The following PTPRD variants were observed in gnomAD, a reference collection of about 807,000 sequenced individuals.
PTPRD encodes protein tyrosine phosphatase receptor type D.
In PTPRD, 34 loss-of-function variants were observed where a neutral mutation model predicts 214.5. The observed-to-expected ratio is 0.16, with a 90% CI of 0.12 to 0.21. PTPRD has a LOEUF of 0.21. Ranked by LOEUF, PTPRD falls within the 10% of genes least tolerant of loss-of-function variation. PTPRD has a pLI of 1.00. For synonymous variants in PTPRD, 1,128 were observed against 845.7 expected (o/e 1.33, Z -5.79); for missense variants, 2,545 against 2,398.7 (o/e 1.06, Z -1.27).
intron 14 of PTPRD, among the ~76,000 whole-genome samples, chr9:8,585,644 T>A (rs1004608082): frequency 1.3e-5 from 2 of 152,238 alleles, no homozygotes; most frequent in Non-Finnish European, 2.9e-5. Flanking sequence ...TTTCTTAGTA[T>A]CCTTTACTTG....
intron 4 of PTPRD, among the ~76,000 whole-genome samples, chr9:9,976,749 A>G (rs1363405580): frequency 6.8e-6 from 1 of 146,970 alleles, no homozygotes; most frequent in Non-Finnish European, 1.5e-5. Context: ...AGTCACCACT[A>G]GCTGACTATT....
Position 10,509,557 on chromosome 9 carries a change from T to TTATATATATATA in PTPRD, c.-600+102829_-600+102840dup, listed in dbSNP as rs3076461. On this transcript the variant is annotated intron_variant, in intron 2 of 45. Coordinates refer to ENST00000381196, the MANE Select transcript of PTPRD (RefSeq NM_002839.4). ...TAAATATATTTACATTTAATAAATA[T>TTATATATATATA]TATATATATATATATATATATATTT... Among the ~76,000 whole-genome samples, 638 of 106,610 alleles carry TTATATATATATA rather than the reference T, an allele frequency of 6.0e-3. 14 individuals carry two copies. The highest frequency in any genetic ancestry group is 0.018 in the South Asian group (55 of 3,068). The allele number at this position is 106,610 out of a possible 152,430, so 69.9% of individuals were successfully genotyped here.
chr9:9,366,648 A>G (rs945759016), intron 9 of PTPRD, among the ~76,000 whole-genome samples: 2 of 151,500 alleles, frequency 1.3e-5, no homozygotes, highest in African/African-American at 2.4e-5. Flanking sequence ...CATATCATCC[A>G]TCATCATACC....
chr9:8,617,307 C>G (rs147349259), intron 14 of PTPRD, among the ~76,000 whole-genome samples: 3 of 151,976 alleles, frequency 2.0e-5, no homozygotes, highest in African/African-American at 7.3e-5. Flanking sequence ...GAGGGTTGGT[C>G]GATGAAGCAC....
intron 12 of PTPRD, among the ~76,000 whole-genome samples, chr9:8,686,617 A>G (rs2097686623): frequency 2.0e-5 from 3 of 152,226 alleles, no homozygotes; most frequent in African/African-American, 4.8e-5. Context: ...CCATGTTCAC[A>G]TAGTTGCAAC....
intron 9 of PTPRD, among the ~76,000 whole-genome samples, chr9:9,290,987 A>G (rs971030542): frequency 1.3e-5 from 2 of 151,578 alleles, no homozygotes; most frequent in Admixed American, 6.6e-5. Flanking sequence ...ACCTAAGACC[A>G]CACTAATAAT....
intron 7 of PTPRD, among the ~76,000 whole-genome samples, chr9:9,611,372 A>T (rs1026444553): frequency 1.3e-5 from 2 of 151,940 alleles, no homozygotes; most frequent in Admixed American, 6.6e-5. Flanking sequence ...ACCATTATAA[A>T]TTTTTTTTCA....
At chr9:10,299,708 G>C (rs774631861) in intron 3 of PTPRD, among the ~76,000 whole-genome samples, 4 of 152,130 alleles carry the variant, frequency 2.6e-5, no homozygotes, top group Non-Finnish European at 5.9e-5. Context: ...GGTCATAACA[G>C]CTGGTTTTTA....
At chr9:9,764,380 TAAA>T (rs1348413292) in intron 6 of PTPRD, among the ~76,000 whole-genome samples, 2 of 152,158 alleles carry the variant, frequency 1.3e-5, no homozygotes, top group Non-Finnish European at 2.9e-5. Flanking sequence ...CACAAATCTT[TAAA>T]AAATAAATGA....
chr9:10,293,572 G>A (rs1043483303), intron 3 of PTPRD, among the ~76,000 whole-genome samples: 2 of 151,874 alleles, frequency 1.3e-5, no homozygotes, highest in Non-Finnish European at 2.9e-5. Flanking sequence ...ATACTCCTTG[G>A]GAGTTTATAC....
intron 10 of PTPRD, among the ~76,000 whole-genome samples, chr9:9,051,989 G>A (rs1032388754): frequency 6.6e-6 from 1 of 152,128 alleles, no homozygotes; most frequent in Non-Finnish European, 1.5e-5. Context: ...CATCCATCTG[G>A]ATTGCTATAA....
Position 9,813,225 on chromosome 9 carries a change from T to A in PTPRD, c.-367-46374A>T, listed in dbSNP as rs192559713. Among the ~76,000 whole-genome samples, 8 of 152,048 alleles carry A rather than the reference T, an allele frequency of 5.3e-5. No individual in the cohort carries two copies. In the East Asian group the frequency reaches 1.5e-3, roughly 29 times the overall value. ...AAGATCTCAAATAAGCAACCTAATT[T>A]TACATCTGAAGAAACTAGAAAAAGA... On this transcript the variant is annotated intron_variant, in intron 5 of 45. Transcript: ENST00000381196.
chr9:10,566,326 T>C (rs1469623049), intron 2 of PTPRD, among the ~76,000 whole-genome samples: 1 of 152,036 alleles, frequency 6.6e-6, no homozygotes, highest in African/African-American at 2.4e-5. Flanking sequence ...TTGTCAGCTT[T>C]TCTATAGAAT....
In PTPRD at chr9:10,325,699, T is replaced by C. The variant is rs139622989; in HGVS notation, c.-545+15264A>G. 5.6e-3 allele frequency among the ~76,000 whole-genome samples: 851 copies of C among 152,012 alleles called. 10 individuals are homozygous for C. Among genetic ancestry groups the C allele is most frequent in the African/African-American group, 0.019 (799 of 41,528 alleles). ...GCTACACCTTTCAAAACAACCAAAC[T>C]GCAGGCTGATTAAATTTGTTTAACC... On this transcript the variant is annotated intron_variant, in intron 3 of 45. Coordinates refer to ENST00000381196, the MANE Select transcript of PTPRD (RefSeq NM_002839.4).
intron 8 of PTPRD, among the ~76,000 whole-genome samples, chr9:9,538,013 G>A (rs1230295470): frequency 6.6e-6 from 1 of 151,540 alleles, no homozygotes; most frequent in African/African-American, 2.4e-5. Flanking sequence ...TTTGGGAGTG[G>A]GATAAACTAT....
chr9:10,555,126 A>T (rs975932068), intron 2 of PTPRD, among the ~76,000 whole-genome samples: 3 of 152,180 alleles, frequency 2.0e-5, no homozygotes, highest in African/African-American at 7.2e-5. Context: ...AACAACACAC[A>T]AAAAACCTTT....
At chr9:10,405,545 C>T (rs1189867223) in intron 2 of PTPRD, among the ~76,000 whole-genome samples, 1 of 151,252 alleles carries the variant, frequency 6.6e-6, no homozygotes, top group African/African-American at 2.4e-5. Flanking sequence ...ATAAAAGCAA[C>T]TGATATAAAT....
chr9:9,830,637 G>C (rs2054519832), intron 5 of PTPRD, among the ~76,000 whole-genome samples: 2 of 151,892 alleles, frequency 1.3e-5, no homozygotes, highest in Non-Finnish European at 2.9e-5. Context: ...ACCTGAGTGT[G>C]TTAGCCAAGA....
At chr9:9,953,469 T>G (rs965645962) in intron 4 of PTPRD, among the ~76,000 whole-genome samples, 25 of 150,052 alleles carry the variant, frequency 1.7e-4, no homozygotes, top group African/African-American at 6.2e-4. Flanking sequence ...TAAAAAAAAT[T>G]AAATTAAAAT....
Sources: gnomAD v4.1 joint callset for allele counts (sites outside exome capture counted in the v4.1 genomes callset) on GRCh38, gnomAD v4.1.1 for gene constraint, MANE v1.5 for transcripts, NCBI Gene and HGNC (gene_info 2026-07-23, HGNC 2026-07-21) for gene names.